STARD13: variants seen among roughly 807,000 people sequenced by gnomAD.
STARD13 encodes StAR related lipid transfer domain containing 13, also known as stAR-related lipid transfer protein 13.
Under a neutral mutation model 106.4 loss-of-function variants are expected in STARD13, and 62 were observed. The ratio of observed to expected loss-of-function variants is 0.58; its 90% confidence interval spans 0.48 to 0.72. The LOEUF is 0.72. Ranked by LOEUF, STARD13 falls within the 30% of genes least tolerant of loss-of-function variation. The pLI is 0.00. For synonymous variants in STARD13, 565 were observed against 553.0 expected, an observed-to-expected ratio of 1.02 and a Z score of -0.31; for missense variants, 1,387 against 1,424.0, an observed-to-expected ratio of 0.97 and a Z score of 0.42.
chr13:33,668,669 AG>A, the STARD13 span, among the ~76,000 whole-genome samples: 1 of 152,188 alleles, frequency 6.6e-6, no homozygotes, highest in Non-Finnish European at 1.5e-5. Context: ...GATGAGTGAA[AG>A]ATGATGCTCA....
At chr13:33,399,177 C>T in the STARD13 span, among the ~76,000 whole-genome samples, 1 of 151,920 alleles carries the variant, frequency 6.6e-6, no homozygotes, top group Non-Finnish European at 1.5e-5. Context: ...GAAATCTTGC[C>T]ATTTGTCACA....
intron 1 of STARD13, among the ~76,000 whole-genome samples, chr13:33,184,041 GCA>G (rs1044834413): frequency 2.6e-5 from 4 of 152,146 alleles, no homozygotes; most frequent in African/African-American, 9.7e-5. Flanking sequence ...GTTTTTTGGG[GCA>G]CTGAACTAGT....
At chr13:33,117,721 TAA>T (rs915074095) in intron 8 of STARD13, 12 of 908,180 alleles carry the variant, frequency 1.3e-5, no homozygotes, top group East Asian at 1.2e-4. Flanking sequence ...AAAAATTGAA[TAA>T]GTTTTAATAA....
the STARD13 span, among the ~76,000 whole-genome samples, chr13:33,658,768 T>C: frequency 6.6e-6 from 1 of 152,168 alleles, no homozygotes; most frequent in African/African-American, 2.4e-5. Context: ...AGTTTCAGGA[T>C]GGGAGCTGGT....
At chr13:33,194,656 G>A (rs1053180359) in intron 1 of STARD13, among the ~76,000 whole-genome samples, 11 of 151,944 alleles carry the variant, frequency 7.2e-5, no homozygotes, top group Non-Finnish European at 1.6e-4. Context: ...TGCTTGTATT[G>A]GGCAGAATAT....
At chr13:33,636,897 G>T in the STARD13 span, among the ~76,000 whole-genome samples, 2 of 152,244 alleles carry the variant, frequency 1.3e-5, no homozygotes, top group Non-Finnish European at 2.9e-5. Context: ...TAAGGGTTTA[G>T]AATTGTTTTT....
At chr13:33,576,088 TATTACTC>T in the STARD13 span, among the ~76,000 whole-genome samples, 1 of 152,224 alleles carries the variant, frequency 6.6e-6, no homozygotes, top group South Asian at 2.1e-4. Context: ...TAGGGAGCAA[TATTACTC>T]ATTAACTCTT....
chr13:33,212,512 A>G (rs2858130), intron 1 of STARD13, among the ~76,000 whole-genome samples: 52,452 of 152,066 alleles, frequency 0.34, 9,348 homozygotes, highest in Middle Eastern at 0.44. Context: ...CATGAGCAGC[A>G]ACATGTATTA....
At chr13:33,287,379 C>A (rs1302407631), upstream of STARD13, among the ~76,000 whole-genome samples, 2 of 152,194 alleles carry the variant, frequency 1.3e-5, no homozygotes, top group African/African-American at 4.8e-5. Context: ...CCTACTACCT[C>A]ACGTAGTTGG....
the STARD13 span, among the ~76,000 whole-genome samples, chr13:33,396,858 A>G: frequency 6.6e-6 from 1 of 152,218 alleles, no homozygotes; most frequent in African/African-American, 2.4e-5. Flanking sequence ...GGAAATAGAT[A>G]AGGTTAGCCC....
the STARD13 span, among the ~76,000 whole-genome samples, chr13:33,665,991 G>C: frequency 3.3e-5 from 5 of 152,124 alleles, no homozygotes; most frequent in Admixed American, 6.5e-5. Flanking sequence ...ATGAACCAAG[G>C]CACAAAAAGA....
At chr13:33,460,323 T>C in the STARD13 span, among the ~76,000 whole-genome samples, 1 of 149,504 alleles carries the variant, frequency 6.7e-6, no homozygotes, top group African/African-American at 2.5e-5. Flanking sequence ...CTGTCTCTAG[T>C]AAAATACAAA....
At chr13:33,303,250 T>C (rs1036029562) in intron 1 of STARD13, among the ~76,000 whole-genome samples, 29 of 152,198 alleles carry the variant, frequency 1.9e-4, no homozygotes, top group African/African-American at 6.8e-4. Context: ...ATTGCTCTTA[T>C]ATGATAAACT....
chr13:33,548,809 A>C, the STARD13 span, among the ~76,000 whole-genome samples: 1 of 152,200 alleles, frequency 6.6e-6, no homozygotes. Context: ...TTTTCTGTAT[A>C]AAAATAATTG....
At chr13:33,385,748 T>G in the STARD13 span, among the ~76,000 whole-genome samples, 1 of 149,950 alleles carries the variant, frequency 6.7e-6, no homozygotes, top group Non-Finnish European at 1.5e-5. Context: ...TAGTCCCAGC[T>G]ACTTGGGAGG....
At chr13:33,391,298 A>G in the STARD13 span, among the ~76,000 whole-genome samples, 7 of 152,162 alleles carry the variant, frequency 4.6e-5, no homozygotes, top group South Asian at 8.3e-4. Context: ...ATCATGTGGT[A>G]TATGTTCTGT....
At chr13:33,440,502 C>T in the STARD13 span, among the ~76,000 whole-genome samples, 1 of 151,708 alleles carries the variant, frequency 6.6e-6, no homozygotes, top group Non-Finnish European at 1.5e-5. Flanking sequence ...GAATCCCATG[C>T]TGTCCCTGCT....
rs1281632737 is a variant in STARD13 at position 33,177,953 on chromosome 13, AAAGGAAGGAAGG to A, written c.170-10343_170-10332del. ...GAAGGAAGGAAGGAAGGAAGGAAGG[AAAGGAAGGAAGG>A]AAGGAAGGAAGGAAGGAAGGAAAGG... is the stretch of plus-strand genomic sequence containing the variant. On this transcript the variant is annotated intron_variant, in intron 1 of 13. Coordinates refer to ENST00000336934, the MANE Select transcript of STARD13 (RefSeq NM_178006.4). 3.3e-4 allele frequency among the ~76,000 whole-genome samples: 2 copies of A among 6,034 alleles called. 1 individual carries two copies. Among genetic ancestry groups the A allele is most frequent in the Non-Finnish European group, 5.5e-4 (2 of 3,634 alleles). 4.0% of individuals were successfully genotyped at this position (6,034 alleles called of 152,430 possible).
chr13:33,346,616 AT>A (rs1002138752), downstream of STARD13, among the ~76,000 whole-genome samples: 1 of 151,902 alleles, frequency 6.6e-6, no homozygotes, highest in Non-Finnish European at 1.5e-5. Context: ...TTGTTTGTTT[AT>A]TTATTTATTT....
Sources: allele counts gnomAD v4.1 joint callset (sites outside exome capture counted in the v4.1 genomes callset), GRCh38; gene constraint gnomAD v4.1.1; transcripts MANE v1.5; gene names NCBI Gene and HGNC (gene_info 2026-07-23, HGNC 2026-07-21).